Variants in UVRAG observed in about 807,000 individuals in gnomAD.
The protein encoded by UVRAG is UV radiation resistance-associated gene protein.
UVRAG carries 19 observed loss-of-function variants against 78.0 expected under a neutral mutation model. The observed-to-expected ratio is 0.24, with a 90% CI of 0.17 to 0.36. The LOEUF (loss-of-function observed/expected upper bound fraction) is 0.36. Among genes scored for constraint, UVRAG ranks in the 10% least tolerant of loss-of-function variants. The probability of loss-of-function intolerance (pLI) is 1.00; values close to 1 mark genes in which losing one functional copy is unlikely to be tolerated. For missense variants in UVRAG, 740 were observed against 853.8 expected (o/e 0.87, Z 1.66); for synonymous variants, 323 against 324.6 (o/e 1.00, Z 0.05).
intron 7 of UVRAG, among the ~76,000 whole-genome samples, chr11:75,977,742 C>T (rs1200746047): frequency 2.0e-5 from 3 of 152,060 alleles, no homozygotes; most frequent in Non-Finnish European, 2.9e-5. Flanking sequence ...TCCTCCATCC[C>T]TTTATTTTGA....
At chr11:75,902,916 G>A (rs963368541) in intron 5 of UVRAG, among the ~76,000 whole-genome samples, 5 of 152,022 alleles carry the variant, frequency 3.3e-5, no homozygotes, top group Admixed American at 1.3e-4. Context: ...GGATGCTTTC[G>A]TTTTTTATTC....
At chr11:75,940,709 A>G (rs1444385540) in intron 6 of UVRAG, among the ~76,000 whole-genome samples, 1 of 152,166 alleles carries the variant, frequency 6.6e-6, no homozygotes, top group Non-Finnish European at 1.5e-5. Flanking sequence ...AAAACTGTAG[A>G]TGCTTTTGAA....
At chr11:75,941,891 A>G (rs1486874682) in intron 6 of UVRAG, among the ~76,000 whole-genome samples, 1 of 152,080 alleles carries the variant, frequency 6.6e-6, no homozygotes, top group Non-Finnish European at 1.5e-5. Context: ...AATCCTGGAA[A>G]AGGAGGCCTC....
chr11:75,828,805 A>ATATATATATATATATATATTTTT (rs1478310271), intron 1 of UVRAG, among the ~76,000 whole-genome samples: 1 of 100,276 alleles, frequency 1.0e-5, no homozygotes, highest in African/African-American at 4.0e-5. Context: ...ATATATATAT[A>ATATATATATATATATATATTTTT]TTTTTTTTTT....
intron 13 of UVRAG, among the ~76,000 whole-genome samples, chr11:76,082,526 C>T (rs546645041): frequency 1.7e-3 from 170 of 100,596 alleles, no homozygotes; most frequent in South Asian, 6.5e-3. Flanking sequence ...GGCAACAGAG[C>T]GAGACTCCGT....
chr11:76,095,853 A>T (rs1021309783), intron 13 of UVRAG, among the ~76,000 whole-genome samples: 1 of 138,578 alleles, frequency 7.2e-6, no homozygotes, highest in African/African-American at 2.8e-5. Context: ...CCTGGGCAAC[A>T]GGGCAAGACT....
chr11:76,002,552 C>G (rs1949835367), intron 8 of UVRAG, among the ~76,000 whole-genome samples: 1 of 152,146 alleles, frequency 6.6e-6, no homozygotes, highest in African/African-American at 2.4e-5. Context: ...AAGAATGATA[C>G]TGCACGTTTC....
chr11:75,938,906 CTA>C (rs1948430839), intron 6 of UVRAG, among the ~76,000 whole-genome samples: 3 of 152,172 alleles, frequency 2.0e-5, no homozygotes, highest in African/African-American at 7.2e-5. Flanking sequence ...AATCTTTCTT[CTA>C]CACTCAGGTA....
At chr11:75,997,064 T>C (rs1414003489) in intron 8 of UVRAG, among the ~76,000 whole-genome samples, 2 of 152,180 alleles carry the variant, frequency 1.3e-5, no homozygotes, top group African/African-American at 2.4e-5. Flanking sequence ...CATAATGAAA[T>C]AAAGTCAGTT....
rs549687781 is a variant in UVRAG at position 75,999,558 on chromosome 11, T to G, written c.827-4447T>G. On this transcript the variant is annotated intron_variant, in intron 8 of 14. Coordinates refer to ENST00000356136, the MANE Select transcript of UVRAG (RefSeq NM_003369.4). ...ACCACACCCGGCTAATTTTTGTATTTTTAGTAGAGACGGGGTTTCACTATG... is the reference window on the plus strand; with the variant it reads ...ACCACACCCGGCTAATTTTTGTATTGTTAGTAGAGACGGGGTTTCACTATG... Among the ~76,000 whole-genome samples the G allele has an allele frequency of 5.9e-5, 9 of 152,086 alleles. No homozygotes were observed. In the South Asian group the frequency reaches 1.5e-3, roughly 25 times the overall value.
chr11:75,873,724 CT>C (rs1946701148), intron 3 of UVRAG, among the ~76,000 whole-genome samples: 1 of 152,150 alleles, frequency 6.6e-6, no homozygotes, highest in East Asian at 1.9e-4. Flanking sequence ...ACGCAGCTTG[CT>C]TGTTTGTCCT....
intron 14 of UVRAG, among the ~76,000 whole-genome samples, chr11:76,121,433 T>C (rs1367087830): frequency 6.6e-6 from 1 of 152,250 alleles, no homozygotes; most frequent in Non-Finnish European, 1.5e-5. Context: ...CATTTAAACA[T>C]CCTAGTTTTC....
intron 13 of UVRAG, among the ~76,000 whole-genome samples, chr11:76,072,243 A>G (rs1229871758): frequency 6.6e-6 from 1 of 152,176 alleles, no homozygotes; most frequent in Non-Finnish European, 1.5e-5. Context: ...ATGAAGAGAG[A>G]GTAGTAATTT....
chr11:76,000,284 T>C (rs1949787450), intron 8 of UVRAG, among the ~76,000 whole-genome samples: 1 of 152,300 alleles, frequency 6.6e-6, no homozygotes, highest in African/African-American at 2.4e-5. Context: ...AAATACTATC[T>C]ACAAGAAATC....
chr11:75,964,903 T>C (rs920255536), intron 7 of UVRAG, among the ~76,000 whole-genome samples: 1 of 152,246 alleles, frequency 6.6e-6, no homozygotes, highest in Non-Finnish European at 1.5e-5. Flanking sequence ...TTGTTCAAAA[T>C]CAATTGATCA....
chr11:75,920,956 A>G (rs1947968338), intron 6 of UVRAG, among the ~76,000 whole-genome samples: 1 of 152,168 alleles, frequency 6.6e-6, no homozygotes, highest in East Asian at 1.9e-4. Flanking sequence ...TACCCTATTG[A>G]TAGGCATTTA....
chr11:75,930,240 C>T (rs866965612), intron 6 of UVRAG, among the ~76,000 whole-genome samples: 1 of 152,188 alleles, frequency 6.6e-6, no homozygotes, highest in African/African-American at 2.4e-5. Flanking sequence ...CTTGAGGCTT[C>T]TTCTGTTCCA....
At chr11:76,097,351 G>A (rs754981540) in intron 13 of UVRAG, among the ~76,000 whole-genome samples, 8 of 152,016 alleles carry the variant, frequency 5.3e-5, no homozygotes, top group Admixed American at 6.6e-5. Context: ...TGTTTCTCAC[G>A]TTCTCTCGTG....
intron 2 of UVRAG, among the ~76,000 whole-genome samples, chr11:75,860,735 G>A (rs1946400078): frequency 1.3e-5 from 2 of 151,942 alleles, no homozygotes; most frequent in South Asian, 4.1e-4. Context: ...TAACAATTTG[G>A]CAATATCTAT....
Sources: gnomAD v4.1 joint callset for allele counts (sites outside exome capture counted in the v4.1 genomes callset) on GRCh38, gnomAD v4.1.1 for gene constraint, MANE v1.5 for transcripts, NCBI Gene and HGNC (gene_info 2026-07-23, HGNC 2026-07-21) for gene names.